EGF: variants seen among roughly 807,000 people sequenced by gnomAD.
EGF encodes the protein epidermal growth factor.
A neutral mutation model predicts 143.8 loss-of-function variants in EGF; 95 were observed. The ratio of observed to expected loss-of-function variants is 0.66; its 90% CI spans 0.56 to 0.78. EGF has a LOEUF of 0.78. Among genes scored for constraint, EGF ranks in the 30% least tolerant of loss-of-function variants. EGF has a pLI of 0.00. For synonymous variants in EGF, 510 were observed against 510.5 expected, an observed-to-expected ratio of 1.00 and a Z score of 0.01; for missense variants, 1,320 against 1,470.9, an observed-to-expected ratio of 0.90 and a Z score of 1.68.
chr4:109,933,939 G>A lies in EGF; in HGVS notation c.128-7007G>A, dbSNP rs192724369. 1.2e-4 allele frequency among the ~76,000 whole-genome samples: 18 copies of A among 152,318 alleles called. No individual in the cohort carries two copies. The East Asian group carries it at 2.9e-3, about 24-fold the overall frequency. On this transcript the variant is annotated intron_variant, in intron 1 of 23. Coordinates refer to ENST00000265171, the MANE Select transcript of EGF (RefSeq NM_001963.6). ...TTGTAATCCTTTGGGTATATATCCA[G>A]TAATGGGATTGCTGGGTCAAATGGT...
intron 23 of EGF, among the ~76,000 whole-genome samples, chr4:110,010,836 G>A (rs949967270): frequency 1.3e-5 from 2 of 152,084 alleles, no homozygotes; most frequent in Admixed American, 6.6e-5. Context: ...TGAGGTGGGC[G>A]AATCGCTTGA....
At chr4:109,931,140 C>T (rs1395530274) in intron 1 of EGF, among the ~76,000 whole-genome samples, 2 of 152,184 alleles carry the variant, frequency 1.3e-5, no homozygotes, top group African/African-American at 2.4e-5. Flanking sequence ...GAGTTCTTGA[C>T]AGGTCTGAAA....
Position 109,976,217 on chromosome 4 carries a change from CT to C in EGF, c.2037del (p.Thr680ProfsTer5). 1 of 1,613,992 alleles carries C rather than the reference CT, an allele frequency of 6.2e-7. No homozygotes were observed. The highest frequency in any genetic ancestry group is 8.5e-7 in the Non-Finnish European group (1 of 1,179,968). ...ANLDGSKRRR[L>X]TQNDVGHPFA... ...TCTGGATGGTTCAAAACGCCGAAGA[CT>C]TACCCAGAATGATGTAGGTGAGGCT... On this transcript the variant is annotated frameshift_variant, in exon 13 of 24. Transcript: ENST00000265171. LOFTEE classifies it high-confidence loss of function.
intron 6 of EGF, 141 bp downstream of exon 6, chr4:109,959,578 C>A: frequency 8.2e-7 from 1 of 1,217,402 alleles, no homozygotes; most frequent in East Asian, 2.4e-5. Flanking sequence ...CTCCCCGTCC[C>A]CCACACAACC....
In EGF at chr4:110,004,614, C is replaced by T. The variant is rs138244768; in HGVS notation, c.3283C>T (p.Gln1095Ter). Residue 1095 changes from glutamine (Q) to a stop codon, truncating the protein, a stop_gained, in exon 22 of 24, where the codon CAA becomes TAA. Transcript: ENST00000265171. LOFTEE classifies it high-confidence loss of function. ...DTEDGMSSCPQPWFVVIKEHQ... is the reference protein window; with the variant it reads ...DTEDGMSSCP ...TGAGGATGGGATGTCCTCTTGCCCT[C>T]AACCTTGGGTAATGTGACCAAAGCA... 2.5e-5 allele frequency: 40 copies of T among 1,613,864 alleles called. No individual in the cohort carries two copies. The African/African-American group carries it at 4.9e-4, about 20-fold the overall frequency.
chr4:109,931,729 G>C (rs577696232), intron 1 of EGF, among the ~76,000 whole-genome samples: 1 of 152,144 alleles, frequency 6.6e-6, no homozygotes, highest in African/African-American at 2.4e-5. Flanking sequence ...AGTAGAGTAG[G>C]GATCTGCAAA....
At chr4:109,952,005 T>C (rs1344569780) in intron 5 of EGF, among the ~76,000 whole-genome samples, 1 of 152,202 alleles carries the variant, frequency 6.6e-6, no homozygotes, top group Non-Finnish European at 1.5e-5. Context: ...TCTCTTTCTC[T>C]CTTACTTCTC....
chr4:109,968,118 A>G (rs11568974), intron 10 of EGF, among the ~76,000 whole-genome samples: 2,390 of 152,306 alleles, frequency 0.016, 61 homozygotes, highest in African/African-American at 0.054. Context: ...GAATGCTACA[A>G]TGTCACTAGG....
chr4:109,949,538 C>A (rs1743454269), intron 5 of EGF, among the ~76,000 whole-genome samples: 3 of 151,928 alleles, frequency 2.0e-5, no homozygotes, highest in Non-Finnish European at 2.9e-5. Flanking sequence ...AAAGGTGACA[C>A]AACCCATGTC....
chr4:109,965,997 A>G (rs1266900943), intron 10 of EGF, among the ~76,000 whole-genome samples: 3 of 151,860 alleles, frequency 2.0e-5, no homozygotes, highest in East Asian at 1.9e-4. Flanking sequence ...AAATTCTACA[A>G]TGCTTTCATT....
At chr4:109,945,690 C>T (rs373517923) in intron 5 of EGF, among the ~76,000 whole-genome samples, 2 of 152,022 alleles carry the variant, frequency 1.3e-5, no homozygotes, top group Non-Finnish European at 2.9e-5. Flanking sequence ...GCTTTAAATG[C>T]CAGTTTATAT....
chr4:109,965,884 T>C (rs1327802560), intron 10 of EGF, among the ~76,000 whole-genome samples: 2 of 152,204 alleles, frequency 1.3e-5, no homozygotes, highest in South Asian at 2.1e-4. Flanking sequence ...ACCTTTTCTA[T>C]TTCATTTAGA....
In EGF at chr4:109,993,357, C is replaced by T. The variant is rs748673800; in HGVS notation, c.2845C>T (p.Leu949=). 1 of 1,613,458 alleles carries T rather than the reference C, an allele frequency of 6.2e-7. No individual in the cohort carries two copies. Among genetic ancestry groups the T allele is most frequent in the East Asian group, 2.2e-5 (1 of 44,862 alleles). ...TGCTGGACGCCTGTCTGAACCAGGA[C>T]TGATTTGCCCTGGTAGGTTGGTGGG... The part of the protein sequence containing the change: ...MCAGRLSEPG[L]ICPDSTPPPH... Residue 949 remains leucine, a synonymous_variant, in exon 19 of 24, where the codon CTG becomes TTG. Coordinates refer to ENST00000265171, the MANE Select transcript of EGF (RefSeq NM_001963.6).
At chr4:109,994,319 T>C (rs1375540457) in intron 19 of EGF, among the ~76,000 whole-genome samples, 1 of 152,126 alleles carries the variant, frequency 6.6e-6, no homozygotes, top group East Asian at 1.9e-4. Context: ...ATATTGGAGG[T>C]AACGGACTGC....
At chr4:109,976,993 C>A (rs1395244497) in intron 13 of EGF, among the ~76,000 whole-genome samples, 1 of 151,970 alleles carries the variant, frequency 6.6e-6, no homozygotes. Context: ...TATAGGAGTT[C>A]GATTGGAATT....
intron 22 of EGF, among the ~76,000 whole-genome samples, chr4:110,005,202 C>T (rs972354633): frequency 2.6e-5 from 4 of 151,628 alleles, no homozygotes; most frequent in Non-Finnish European, 5.9e-5. Flanking sequence ...CACACCGCCA[C>T]GCCCAGCTAA....
chr4:109,973,016 T>C (rs1320903219), intron 11 of EGF, among the ~76,000 whole-genome samples: 2 of 151,836 alleles, frequency 1.3e-5, no homozygotes, highest in African/African-American at 2.4e-5. Flanking sequence ...GAATTAAAGG[T>C]GGTTATATAT....
chr4:109,964,417 G>A lies in EGF; in HGVS notation c.1455G>A (p.Leu485=). The change falls in exon 10 of 24, where the codon TTG becomes TTA. Residue 485 remains leucine, a synonymous_variant. Transcript: ENST00000265171. The part of the protein sequence containing the change: ...SCAASGPQPF[L]LFANSQDIRH... Reference sequence around the variant, plus strand: ...GGTTAACAGGACCACAACCATTTTTGCTGTTTGCCAATTCTCAAGATATTC... The same window carrying A: ...GGTTAACAGGACCACAACCATTTTTACTGTTTGCCAATTCTCAAGATATTC... The A allele has an allele frequency of 6.2e-7, 1 of 1,613,890 alleles. No individual in the cohort carries two copies. The highest frequency in any genetic ancestry group is 8.5e-7 in the Non-Finnish European group (1 of 1,179,834).
At position 109,980,133 on chromosome 4, in the gene EGF, A is replaced by G; in HGVS notation, c.2215A>G (p.Lys739Glu). The change falls in exon 14 of 24, where the codon AAA becomes GAA. Residue 739 changes from lysine (K) to glutamate (E), a missense_variant. Physicochemically the swap from Lys to Glu is moderately conservative, Grantham distance 56 (BLOSUM62 1). Around this residue, in one of 5 missense-constraint regions of EGF, gnomAD observed 1,186 missense variants for 1,313.7 expected, o/e 0.90. Transcript: ENST00000265171. The stretch of plus-strand genomic sequence containing the variant: ...ACTGGTTGTGGTTCATCCATTGGCA[A>G]AACCAGGTACATACTGGAGATGTTA... Reference protein sequence around the residue: ...SSLVVVHPLAKPGADPCLYQN... With the variant: ...SSLVVVHPLAEPGADPCLYQN... 6.2e-7 allele frequency: 1 copy of G among 1,608,838 alleles called. No homozygotes were observed. Among genetic ancestry groups the G allele is most frequent in the East Asian group, 2.2e-5 (1 of 44,794 alleles).
Sources: allele counts gnomAD v4.1 joint callset (sites outside exome capture counted in the v4.1 genomes callset), GRCh38; gene constraint gnomAD v4.1.1; regional missense constraint gnomAD v4.1.1; transcripts MANE v1.5; gene names NCBI Gene and HGNC (gene_info 2026-07-23, HGNC 2026-07-21).